Variants in SLC5A4 observed in about 807,000 individuals in gnomAD.
SLC5A4 encodes the protein probable glucose sensor protein SLC5A4.
Under a neutral mutation model 70.3 loss-of-function variants are expected in SLC5A4, and 55 were observed. The observed-to-expected ratio is 0.78, with a 90% CI of 0.63 to 0.98. The LOEUF (loss-of-function observed/expected upper bound fraction) is 0.98, where lower values mean the gene tolerates loss of function less well. Ranked by LOEUF, SLC5A4 falls within the 50% of genes least tolerant of loss-of-function variation. The pLI is 0.00. For missense variants in SLC5A4, 735 were observed against 839.2 expected (o/e 0.88, Z 1.53); for synonymous variants, 268 against 305.7 (o/e 0.88, Z 1.29).
the SLC5A4 span, among the ~76,000 whole-genome samples, chr22:32,324,326 A>G: frequency 6.7e-6 from 1 of 148,308 alleles, no homozygotes; most frequent in Non-Finnish European, 1.5e-5. Flanking sequence ...AGAAAATGAA[A>G]TATTTCAAAA....
the SLC5A4 span, among the ~76,000 whole-genome samples, chr22:32,306,907 A>C: frequency 2.8e-5 from 3 of 106,676 alleles, no homozygotes; most frequent in Admixed American, 9.6e-5. Context: ...TTCCAAGAAG[A>C]GGCGCTCTCT....
chr22:32,330,740 C>CTG, the SLC5A4 span, among the ~76,000 whole-genome samples: 3 of 23,844 alleles, frequency 1.3e-4, no homozygotes, highest in South Asian at 1.6e-3. Context: ...GTTGGGGGCT[C>CTG]GTGTGTGTGT....
chr22:32,341,662 C>T, the SLC5A4 span, among the ~76,000 whole-genome samples: 2 of 152,208 alleles, frequency 1.3e-5, no homozygotes, highest in Non-Finnish European at 2.9e-5. Flanking sequence ...CTTCTTGCCA[C>T]AACTGAGTAA....
chr22:32,319,357 T>C, the SLC5A4 span, among the ~76,000 whole-genome samples: 2 of 149,846 alleles, frequency 1.3e-5, no homozygotes, highest in African/African-American at 5.0e-5. Flanking sequence ...CATCAGCTCT[T>C]CTGGGTCTCA....
chr22:32,224,167 G>T (rs1030661246), intron 13 of SLC5A4, 100 bp downstream of exon 13: 1 of 846,142 alleles, frequency 1.2e-6, no homozygotes, highest in East Asian at 2.6e-5. Flanking sequence ...TGATCCGCCC[G>T]CCTTGGCCTC....
intron 3 of SLC5A4, among the ~76,000 whole-genome samples, chr22:32,249,397 C>T (rs1203743911): frequency 6.6e-6 from 1 of 152,178 alleles, no homozygotes; most frequent in Non-Finnish European, 1.5e-5. Flanking sequence ...TTCTCTGCAG[C>T]CTGCTCATCA....
At chr22:32,338,962 G>A in the SLC5A4 span, among the ~76,000 whole-genome samples, 1,283 of 152,196 alleles carry the variant, frequency 8.4e-3, 22 homozygotes, top group African/African-American at 0.029. Flanking sequence ...TGTTGTCATC[G>A]TATTACTAAA....
At chr22:32,260,820 C>T in the SLC5A4 span, among the ~76,000 whole-genome samples, 1 of 152,162 alleles carries the variant, frequency 6.6e-6, no homozygotes, top group African/African-American at 2.4e-5. Context: ...TGCCTGTAAT[C>T]CCAACACTTT....
chr22:32,339,457 G>A, the SLC5A4 span, among the ~76,000 whole-genome samples: 6 of 152,260 alleles, frequency 3.9e-5, no homozygotes, highest in Admixed American at 2.0e-4. Context: ...GCTCTGATTC[G>A]AAGACTACGC....
At chr22:32,243,094 T>A (rs926102265) in intron 5 of SLC5A4, among the ~76,000 whole-genome samples, 2 of 152,146 alleles carry the variant, frequency 1.3e-5, no homozygotes, top group Admixed American at 6.5e-5. Context: ...AAAATTAACA[T>A]CACCATTGAG....
the SLC5A4 span, among the ~76,000 whole-genome samples, chr22:32,278,803 AAGAC>A: frequency 2.0e-5 from 3 of 152,244 alleles, no homozygotes; most frequent in African/African-American, 7.2e-5. Context: ...AGAAAAGAGA[AAGAC>A]AGTAAGCAAT....
the SLC5A4 span, among the ~76,000 whole-genome samples, chr22:32,347,066 AAAG>A: frequency 1.3e-5 from 2 of 152,244 alleles, no homozygotes; most frequent in Non-Finnish European, 2.9e-5. Flanking sequence ...ACACTTCTCA[AAAG>A]AAGACGTTTA....
the SLC5A4 span, among the ~76,000 whole-genome samples, chr22:32,350,317 A>G: frequency 2.0e-5 from 3 of 152,246 alleles, no homozygotes; most frequent in Admixed American, 2.0e-4. Flanking sequence ...GTACACATAC[A>G]GTTAGGCTCC....
rs180917196 is a variant in SLC5A4, at chr22:32,243,936, C to T, written c.477+3475G>A. On this transcript the variant is annotated intron_variant, in intron 5 of 14. Transcript: ENST00000266086. ...CCTGGGAGGCAGAGGTTGCAGTGAGCTGAGATTGTGCCACTGCACTCCAGC... is the reference window on the plus strand; with the variant it reads ...CCTGGGAGGCAGAGGTTGCAGTGAGTTGAGATTGTGCCACTGCACTCCAGC... Among the ~76,000 whole-genome samples, 310 of 152,266 alleles carry T rather than the reference C, an allele frequency of 2.0e-3. 3 individuals carry two copies. Among genetic ancestry groups the T allele is most frequent in the Non-Finnish European group, 3.3e-3 (225 of 68,020 alleles).
chr22:32,262,323 C>T, the SLC5A4 span, among the ~76,000 whole-genome samples: 3 of 152,070 alleles, frequency 2.0e-5, no homozygotes, highest in Admixed American at 1.3e-4. Flanking sequence ...CTACTTTGGC[C>T]CCACCCCAGA....
At chr22:32,271,003 C>T in the SLC5A4 span, 2 of 527,806 alleles carry the variant, frequency 3.8e-6, no homozygotes, top group Non-Finnish European at 3.5e-6. Context: ...AGAGCCTGGG[C>T]TCGGAGACTA....
intron 5 of SLC5A4, 116 bp downstream of exon 5, chr22:32,247,295 A>G: frequency 1.5e-6 from 1 of 675,130 alleles, no homozygotes. Context: ...AGACATCCAT[A>G]TCCTTGACCC....
the SLC5A4 span, chr22:32,270,472 G>C: frequency 1.1e-6 from 1 of 905,294 alleles, no homozygotes; most frequent in Admixed American, 1.8e-5. Flanking sequence ...GGAGGGCACG[G>C]AGCAGGAACC....
chr22:32,276,559 CTTTA>C, the SLC5A4 span: 1 of 152,172 alleles, frequency 6.6e-6, no homozygotes, highest in African/African-American at 2.4e-5. Flanking sequence ...AATGAATCTT[CTTTA>C]TTCATTAAAT....
Sources: allele counts gnomAD v4.1 joint callset (sites outside exome capture counted in the v4.1 genomes callset), GRCh38; gene constraint gnomAD v4.1.1; transcripts MANE v1.5; gene names NCBI Gene and HGNC (gene_info 2026-07-23, HGNC 2026-07-21).